The following NCOA3 variants were observed in gnomAD, a reference collection of about 807,000 sequenced individuals.
NCOA3 encodes nuclear receptor coactivator 3.
A neutral mutation model predicts 158.8 loss-of-function variants in NCOA3; 51 were observed. The ratio of observed to expected loss-of-function variants is 0.32; its 90% CI spans 0.26 to 0.41. NCOA3 has a LOEUF of 0.41. NCOA3 is among the 10% of genes least tolerant of loss of function. The pLI is 1.00. For synonymous variants in NCOA3, 537 were observed against 592.4 expected, an observed-to-expected ratio of 0.91 and a Z score of 1.36; for missense variants, 1,510 against 1,746.6, an observed-to-expected ratio of 0.86 and a Z score of 2.41.
At chr20:47,609,538 G>A (rs2086010347) in intron 2 of NCOA3, among the ~76,000 whole-genome samples, 1 of 152,016 alleles carries the variant, frequency 6.6e-6, no homozygotes, top group African/African-American at 2.4e-5. Flanking sequence ...GACCATCCTG[G>A]CCAACATGGT....
intron 1 of NCOA3, among the ~76,000 whole-genome samples, chr20:47,533,694 C>T (rs964638104): frequency 2.6e-5 from 4 of 152,136 alleles, no homozygotes; most frequent in Admixed American, 1.3e-4. Context: ...TTTGAGAGGT[C>T]GAGGAGGGTG....
At chr20:47,619,500 C>T (rs979801958) in intron 2 of NCOA3, among the ~76,000 whole-genome samples, 6 of 151,748 alleles carry the variant, frequency 4.0e-5, no homozygotes, top group African/African-American at 1.5e-4. Context: ...CAAAAATTAG[C>T]TGGGTGTGGT....
chr20:47,647,515 A>G, intron 18 of NCOA3, 149 bp downstream of exon 18: 1 of 748,282 alleles, frequency 1.3e-6, no homozygotes, highest in Non-Finnish European at 2.1e-6. Context: ...ATTTGTACAA[A>G]TGGCTCCTTG....
At chr20:47,626,446 T>C (rs1273286750) in intron 5 of NCOA3, among the ~76,000 whole-genome samples, 1 of 152,198 alleles carries the variant, frequency 6.6e-6, no homozygotes, top group African/African-American at 2.4e-5. Context: ...TTAATTCAGA[T>C]TTCATGCTGA....
intron 1 of NCOA3, among the ~76,000 whole-genome samples, chr20:47,581,330 C>T (rs556335299): frequency 2.0e-4 from 30 of 152,290 alleles, no homozygotes; most frequent in Non-Finnish European, 3.7e-4. Flanking sequence ...AGTCACCCGG[C>T]ACTACCTAGA....
At chr20:47,563,749 C>T (rs1485649994) in intron 1 of NCOA3, among the ~76,000 whole-genome samples, 2 of 151,594 alleles carry the variant, frequency 1.3e-5, no homozygotes, top group Admixed American at 1.3e-4. Context: ...ATTAGCTGGG[C>T]GTGGTGGCAG....
chr20:47,651,404 A>G (rs917340600), intron 20 of NCOA3, 128 bp downstream of exon 20: 15 of 1,399,550 alleles, frequency 1.1e-5, no homozygotes, highest in Non-Finnish European at 1.3e-5. Flanking sequence ...AGGAAAACCA[A>G]ATTAATTTAA....
At chr20:47,572,819 G>A (rs1316310967) in intron 1 of NCOA3, among the ~76,000 whole-genome samples, 1 of 152,142 alleles carries the variant, frequency 6.6e-6, no homozygotes, top group Admixed American at 6.5e-5. Context: ...TTACAGGGGT[G>A]CGCCACCATG....
chr20:47,627,382 T>C (rs2086339618), intron 6 of NCOA3, among the ~76,000 whole-genome samples, 179 bp from the exon 7 acceptor site: 1 of 152,216 alleles, frequency 6.6e-6, no homozygotes, highest in African/African-American at 2.4e-5. Flanking sequence ...AAATATGCAG[T>C]GAGATTTCTG....
intron 17 of NCOA3, among the ~76,000 whole-genome samples, chr20:47,644,557 C>T (rs551394316): frequency 6.6e-6 from 1 of 152,256 alleles, no homozygotes; most frequent in Admixed American, 6.5e-5. Flanking sequence ...CTGGTGATCC[C>T]TGACTGTTCT....
chr20:47,647,747 A>C (rs1378818820), intron 18 of NCOA3, among the ~76,000 whole-genome samples: 1 of 152,128 alleles, frequency 6.6e-6, no homozygotes, highest in Non-Finnish European at 1.5e-5. Context: ...ATGTTTTATA[A>C]AACTAGAGTT....
rs1292121954 is a variant in NCOA3 at position 47,653,622 on chromosome 20, TCTG to T, written c.*209_*211del. 9.3e-6 allele frequency: 6 copies of T among 643,034 alleles called. No individual in the cohort carries two copies. In the East Asian group the frequency reaches 1.3e-4, roughly 14 times the overall value. 39.8% of individuals were successfully genotyped at this position (643,034 alleles called of 1,614,324 possible). On this transcript the variant is annotated 3_prime_UTR_variant, in exon 23 of 23. Coordinates refer to ENST00000371998, the MANE Select transcript of NCOA3 (RefSeq NM_181659.3). ...TATCTACGTGTTTTTCCCCCCTCCT[TCTG>T]CTGTGTATCATGGTGTTCAAAACAG...
chr20:47,653,859 A>G lies in NCOA3; in HGVS notation c.*442A>G. On this transcript the variant is annotated 3_prime_UTR_variant, in exon 23 of 23. Coordinates refer to ENST00000371998, the MANE Select transcript of NCOA3 (RefSeq NM_181659.3). Reference sequence around the variant, plus strand: ...AGTATTGGACAAAGAGCATAGTCCCAGCCTTCAGGTGTAGTAGTTCTGTGT... The same window carrying G: ...AGTATTGGACAAAGAGCATAGTCCCGGCCTTCAGGTGTAGTAGTTCTGTGT... The G allele has an allele frequency of 1.2e-5, 2 of 172,348 alleles. No individual in the cohort carries two copies. The highest frequency in any genetic ancestry group is 1.6e-4 in the East Asian group (1 of 6,172). 10.7% of individuals were successfully genotyped at this position (172,348 alleles called of 1,614,324 possible).
At chr20:47,562,231 G>T (rs2085119525) in intron 1 of NCOA3, among the ~76,000 whole-genome samples, 1 of 152,218 alleles carries the variant, frequency 6.6e-6, no homozygotes, top group African/African-American at 2.4e-5. Flanking sequence ...ATAGGTTTTT[G>T]TGTGTAGGAT....
chr20:47,582,931 A>T, intron 1 of NCOA3, among the ~76,000 whole-genome samples: 1 of 152,148 alleles, frequency 6.6e-6, no homozygotes. Flanking sequence ...AGTAGTTGGG[A>T]TTACAGGCGG....
At chr20:47,605,398 T>C (rs1227886756) in intron 2 of NCOA3, among the ~76,000 whole-genome samples, 1 of 150,976 alleles carries the variant, frequency 6.6e-6, no homozygotes, top group African/African-American at 2.4e-5. Context: ...AGGTTTTGTT[T>C]GTGTGTGTGT....
chr20:47,648,958 A>G, intron 18 of NCOA3, 47 bp from the exon 19 acceptor site: 1 of 1,224,958 alleles, frequency 8.2e-7, no homozygotes. Context: ...CTGTTTTGGC[A>G]GACTGACGTG....
intron 1 of NCOA3, among the ~76,000 whole-genome samples, chr20:47,544,316 C>CTTTTT (rs397866275): frequency 1.7e-4 from 17 of 99,698 alleles, no homozygotes; most frequent in Non-Finnish European, 2.0e-4. Flanking sequence ...TTTAATACTA[C>CTTTTT]TTTTTTTTTT....
intron 1 of NCOA3, among the ~76,000 whole-genome samples, chr20:47,539,730 G>A (rs996595794): frequency 6.6e-6 from 1 of 152,128 alleles, no homozygotes; most frequent in Non-Finnish European, 1.5e-5. Context: ...ATTATTTTAC[G>A]TATTACTAGG....
Sources: allele counts gnomAD v4.1 joint callset (sites outside exome capture counted in the v4.1 genomes callset), GRCh38; gene constraint gnomAD v4.1.1; transcripts MANE v1.5; gene names NCBI Gene and HGNC (gene_info 2026-07-23, HGNC 2026-07-21).